ARMC9: variants seen among roughly 807,000 people sequenced by gnomAD.
ARMC9 encodes the protein armadillo repeat containing 9, also known as lisH domain-containing protein ARMC9.
A neutral mutation model predicts 107.0 loss-of-function variants in ARMC9; 94 were observed. That is an observed-to-expected ratio of 0.88 (90% CI 0.74 to 1.04). ARMC9 has a LOEUF of 1.04. Among genes scored for constraint, ARMC9 ranks in the 50% least tolerant of loss-of-function variants. ARMC9 has a pLI of 0.00. For synonymous variants in ARMC9, 380 were observed against 396.9 expected (o/e 0.96, Z 0.51); for missense variants, 942 against 1,030.1 (o/e 0.91, Z 1.17).
intron 2 of ARMC9, among the ~76,000 whole-genome samples, chr2:231,207,133 T>C (rs989261469): frequency 6.6e-6 from 1 of 152,068 alleles, no homozygotes; most frequent in Non-Finnish European, 1.5e-5. Context: ...GCCTCCTGGG[T>C]AGCTGAGACT....
chr2:231,237,217 C>T (rs972337057), intron 8 of ARMC9, among the ~76,000 whole-genome samples: 1 of 134,328 alleles, frequency 7.4e-6, no homozygotes, highest in African/African-American at 2.8e-5. Flanking sequence ...TACACACATG[C>T]GTACAGCATT....
intron 14 of ARMC9, among the ~76,000 whole-genome samples, chr2:231,274,362 C>T (rs527446338): frequency 2.0e-5 from 3 of 152,190 alleles, no homozygotes; most frequent in South Asian, 2.1e-4. Flanking sequence ...GTGATCCACC[C>T]GCCTCGGCCT....
chr2:231,235,363 C>T lies in ARMC9; in HGVS notation c.762C>T (p.Ala254=). The part of the protein sequence containing the change: ...VTAELVDSLE[A]TVSGKMITPE... ...CAGAGCTGGTGGATTCTCTAGAGGC[C>T]ACAGTCAGCGGCAAGATGGTAAGGA... Residue 254 remains alanine, a synonymous_variant, in exon 8 of 25, where the codon GCC becomes GCT. Transcript: ENST00000611582. The T allele has an allele frequency of 6.2e-7, 1 of 1,614,074 alleles. No homozygotes were observed. Among genetic ancestry groups the T allele is most frequent in the Non-Finnish European group, 8.5e-7 (1 of 1,180,012 alleles).
intron 21 of ARMC9, among the ~76,000 whole-genome samples, chr2:231,345,403 C>T (rs977414406): frequency 6.6e-6 from 1 of 152,156 alleles, no homozygotes; most frequent in Non-Finnish European, 1.5e-5. Flanking sequence ...GGACTCCTGT[C>T]GTGCCTTTTC....
In ARMC9 at chr2:231,255,180, AACACACACACACACACAC is replaced by A. The variant is rs3042595; in HGVS notation, c.880-1382_880-1365del. On this transcript the variant is annotated intron_variant, in intron 9 of 24. Transcript: ENST00000611582. This position sits in a 1 kb window ranked among gnomAD's most constrained non-coding sequence, Gnocchi z 4.7. ...AGCACTACCTGTAGTGGCAAAAAGA[AACACACACACACACACAC>A]ACACACACACACACACACACACAAA... 1.4e-4 allele frequency among the ~76,000 whole-genome samples: 21 copies of A among 146,760 alleles called. No individual in the cohort carries two copies. Among genetic ancestry groups the A allele is most frequent in the South Asian group, 4.4e-4 (2 of 4,552 alleles).
Position 231,203,170 on chromosome 2 carries a change from A to G in ARMC9, c.-41-3028A>G, listed in dbSNP as rs113962411. On this transcript the variant is annotated intron_variant, in intron 1 of 24. Coordinates refer to ENST00000611582, the MANE Select transcript of ARMC9 (RefSeq NM_001352754.2). ...TCTCTCCTCTTTCTTTGGTTCTTAC[A>G]ATACCCACTGACCATTTCGGAACCT... Among the ~76,000 whole-genome samples, 92 of 152,206 alleles carry G rather than the reference A, an allele frequency of 6.0e-4. 1 individual carries two copies. Among genetic ancestry groups the G allele is most frequent in the African/African-American group, 2.0e-3 (85 of 41,528 alleles).
chr2:231,221,229 G>GTC (rs1171279259), intron 5 of ARMC9, among the ~76,000 whole-genome samples: 2 of 152,126 alleles, frequency 1.3e-5, no homozygotes, highest in African/African-American at 4.8e-5. Flanking sequence ...CATCATTCCA[G>GTC]TCTCTGTCTC....
At chr2:231,210,621 C>T (rs995572393) in intron 3 of ARMC9, among the ~76,000 whole-genome samples, 1 of 152,250 alleles carries the variant, frequency 6.6e-6, no homozygotes, top group Non-Finnish European at 1.5e-5. Context: ...CCAACAGGCC[C>T]TGTGCCTTGA....
intron 23 of ARMC9, among the ~76,000 whole-genome samples, chr2:231,363,585 A>G (rs73098119): frequency 0.17 from 26,058 of 152,150 alleles, 5,413 homozygotes; most frequent in African/African-American, 0.5. Context: ...CTCGGAGGCT[A>G]GAGAATAAAA....
chr2:231,204,309 C>T (rs111562085), intron 1 of ARMC9, among the ~76,000 whole-genome samples: 2 of 152,246 alleles, frequency 1.3e-5, no homozygotes, highest in South Asian at 2.1e-4. Flanking sequence ...GACCTGGCCC[C>T]GGCCCCCCAT....
intron 20 of ARMC9, among the ~76,000 whole-genome samples, chr2:231,343,903 A>G (rs570352666): frequency 3.8e-4 from 52 of 138,454 alleles, no homozygotes; most frequent in Admixed American, 2.6e-3. Flanking sequence ...CGTCTCGAGG[A>G]AAAAAAAAAA....
chr2:231,254,966 A>T (rs1347523776), intron 9 of ARMC9, among the ~76,000 whole-genome samples: 1 of 152,208 alleles, frequency 6.6e-6, no homozygotes, highest in African/African-American at 2.4e-5. Context: ...ATATACAAGC[A>T]CATAGCCACA....
At chr2:231,294,652 G>C (rs116515224) in intron 18 of ARMC9, 1 of 153,046 alleles carries the variant, frequency 6.5e-6, no homozygotes, top group Non-Finnish European at 1.5e-5. Context: ...AAAGAGAAGC[G>C]TGGCTGGGCT....
rs201454938 is a variant in ARMC9, at chr2:231,276,817, G to A, written c.1474+42G>A. The A allele has an allele frequency of 5.8e-4, 934 of 1,603,798 alleles. 4 individuals are homozygous for A. In the Middle Eastern group the frequency reaches 7.5e-3, roughly 13 times the overall value. ...TCATTCTAGTGCAAGAAGGGGAAGAGATCTTGACTCTTGAAGCTGGGTTTC... is the reference window on the plus strand; with the variant it reads ...TCATTCTAGTGCAAGAAGGGGAAGAAATCTTGACTCTTGAAGCTGGGTTTC... On this transcript the variant is annotated intron_variant, in intron 15 of 24. Coordinates refer to ENST00000611582, the MANE Select transcript of ARMC9 (RefSeq NM_001352754.2).
chr2:231,345,378 G>A lies in ARMC9; in HGVS notation c.1994+288G>A, dbSNP rs1034068234. 3.3e-5 allele frequency among the ~76,000 whole-genome samples: 5 copies of A among 152,244 alleles called. No homozygotes were observed. The South Asian group carries it at 8.3e-4, about 25-fold the overall frequency. On this transcript the variant is annotated intron_variant, in intron 21 of 24. Coordinates refer to ENST00000611582, the MANE Select transcript of ARMC9 (RefSeq NM_001352754.2). ...CAAAAGAAGGGACCTGAAAGGAATC[G>A]GGCTCTCTCCAGAAGGACTCCTGTC...
intron 17 of ARMC9, 69 bp downstream of exon 17, chr2:231,282,202 ACCT>A: frequency 3.3e-6 from 5 of 1,507,330 alleles, no homozygotes; most frequent in Non-Finnish European, 4.6e-6. Context: ...TTAGAGCAAG[ACCT>A]CCTTGATTGG....
At chr2:231,256,034 AG>A in intron 9 of ARMC9, 2 of 1,438,142 alleles carry the variant, frequency 1.4e-6, no homozygotes, top group Non-Finnish European at 1.9e-6. Flanking sequence ...AGCAAGACTC[AG>A]TCTCAAAAAA....
intron 14 of ARMC9, 81 bp downstream of exon 14, chr2:231,273,159 T>C: frequency 6.5e-7 from 1 of 1,533,960 alleles, no homozygotes; most frequent in Non-Finnish European, 8.8e-7. Context: ...AGGAGGCAGA[T>C]GGTATTTTTC....
intron 8 of ARMC9, among the ~76,000 whole-genome samples, chr2:231,239,712 C>T (rs567567190): frequency 7.2e-5 from 11 of 152,340 alleles, no homozygotes; most frequent in Non-Finnish European, 1.5e-4. Flanking sequence ...AGTCTGATGT[C>T]TCATGAGCAC....
Sources: allele counts gnomAD v4.1 joint callset (sites outside exome capture counted in the v4.1 genomes callset), GRCh38; gene constraint gnomAD v4.1.1; non-coding constraint Gnocchi (gnomAD v3.1); transcripts MANE v1.5; gene names NCBI Gene and HGNC (gene_info 2026-07-23, HGNC 2026-07-21).